Variants in PPARGC1A observed in about 807,000 individuals in gnomAD.
PPARGC1A encodes peroxisome proliferator-activated receptor gamma coactivator 1-alpha.
In PPARGC1A, 25 loss-of-function variants were observed where a neutral mutation model predicts 88.7. The observed-to-expected ratio is 0.28, with a 90% CI of 0.21 to 0.39. The LOEUF (loss-of-function observed/expected upper bound fraction) is 0.39, where lower values mean the gene tolerates loss of function less well. Among genes scored for constraint, PPARGC1A ranks in the 10% least tolerant of loss-of-function variants. PPARGC1A has a pLI of 1.00. For missense variants in PPARGC1A, 880 were observed against 968.7 expected (o/e 0.91, Z 1.22); for synonymous variants, 363 against 355.6 (o/e 1.02, Z -0.24).
chr4:24,256,221 TG>T, the PPARGC1A span, among the ~76,000 whole-genome samples: 178 of 152,248 alleles, frequency 1.2e-3, no homozygotes, highest in African/African-American at 4.2e-3. Context: ...CTACTTATTT[TG>T]TGGGGAAGGG....
At chr4:24,303,660 T>G in the PPARGC1A span, among the ~76,000 whole-genome samples, 411 of 148,522 alleles carry the variant, frequency 2.8e-3, 2 homozygotes, top group African/African-American at 1.0e-2. Context: ...CAGGTAACCA[T>G]TTTTGATTCC....
At chr4:24,437,926 C>G in the PPARGC1A span, among the ~76,000 whole-genome samples, 1 of 152,122 alleles carries the variant, frequency 6.6e-6, no homozygotes, top group East Asian at 1.9e-4. Context: ...ATCCACCCTC[C>G]TCAGCCTCCC....
chr4:23,994,571 T>C, the PPARGC1A span, among the ~76,000 whole-genome samples: 4 of 152,114 alleles, frequency 2.6e-5, no homozygotes, highest in Admixed American at 6.6e-5. Flanking sequence ...CGTGACACTT[T>C]CAGGTTTCCA....
the PPARGC1A span, among the ~76,000 whole-genome samples, chr4:24,471,705 G>T: frequency 2.0e-5 from 3 of 152,266 alleles, no homozygotes; most frequent in East Asian, 3.9e-4. The surrounding 1 kb of genome is among the most constrained non-coding windows in gnomAD (Gnocchi z 5.4). Flanking sequence ...GGCGTGGAGC[G>T]TCTAGGGCAC....
At chr4:24,123,103 T>C in the PPARGC1A span, among the ~76,000 whole-genome samples, 16 of 152,244 alleles carry the variant, frequency 1.1e-4, no homozygotes, top group Non-Finnish European at 2.1e-4. Context: ...ACTTGTCAAG[T>C]ATTCTCCCAA....
At chr4:23,968,369 T>C in the PPARGC1A span, among the ~76,000 whole-genome samples, 557 of 152,282 alleles carry the variant, frequency 3.7e-3, 4 homozygotes, top group South Asian at 0.034. Flanking sequence ...TCTGGTATCC[T>C]TTCTGCTGAT....
chr4:24,412,525 T>G, the PPARGC1A span, among the ~76,000 whole-genome samples: 3 of 152,192 alleles, frequency 2.0e-5, no homozygotes, highest in South Asian at 4.1e-4. Flanking sequence ...TTGTTGCCCA[T>G]GCTGGAGTGC....
chr4:23,998,370 C>A, the PPARGC1A span, among the ~76,000 whole-genome samples: 1 of 151,638 alleles, frequency 6.6e-6, no homozygotes, highest in Non-Finnish European at 1.5e-5. Flanking sequence ...CTCTTTATAT[C>A]AATAAGGGAA....
chr4:24,025,784 C>T, the PPARGC1A span, among the ~76,000 whole-genome samples: 1,649 of 152,094 alleles, frequency 0.011, 79 homozygotes, highest in Admixed American at 0.085. Flanking sequence ...GAGTTGCTCT[C>T]GACTGACCTA....
chr4:24,099,262 TC>T, the PPARGC1A span, among the ~76,000 whole-genome samples: 5 of 144,116 alleles, frequency 3.5e-5, no homozygotes, highest in Admixed American at 2.1e-4. Context: ...GCTGGAAACT[TC>T]TTCCCCTCAT....
the PPARGC1A span, among the ~76,000 whole-genome samples, chr4:23,999,736 G>A: frequency 4.6e-5 from 7 of 152,246 alleles, no homozygotes; most frequent in East Asian, 3.9e-4. Context: ...GCTATCTGAC[G>A]ATCTTTTCCT....
chr4:23,938,704 A>G, the PPARGC1A span, among the ~76,000 whole-genome samples: 1 of 152,248 alleles, frequency 6.6e-6, no homozygotes, highest in African/African-American at 2.4e-5. Flanking sequence ...GGCAGGGATC[A>G]CATAGAGAAA....
At chr4:23,973,933 G>C in the PPARGC1A span, among the ~76,000 whole-genome samples, 2 of 151,168 alleles carry the variant, frequency 1.3e-5, no homozygotes, top group Non-Finnish European at 2.9e-5. Flanking sequence ...ACTAGCTCTT[G>C]AGGCAAAAAA....
chr4:23,935,933 G>A, the PPARGC1A span, among the ~76,000 whole-genome samples: 2 of 151,756 alleles, frequency 1.3e-5, no homozygotes. Context: ...TATATAAACA[G>A]CCTATACATG....
At chr4:24,050,149 G>C in the PPARGC1A span, among the ~76,000 whole-genome samples, 3 of 150,636 alleles carry the variant, frequency 2.0e-5, no homozygotes, top group Admixed American at 2.0e-4. Flanking sequence ...TATACGGCTA[G>C]AGTTTAGTGG....
chr4:23,964,320 T>C, the PPARGC1A span, among the ~76,000 whole-genome samples: 5 of 152,196 alleles, frequency 3.3e-5, no homozygotes, highest in Admixed American at 2.6e-4. Context: ...CCTTTCATCA[T>C]AGCAACTAGT....
chr4:24,257,008 CAGTA>C, the PPARGC1A span, among the ~76,000 whole-genome samples: 1 of 152,148 alleles, frequency 6.6e-6, no homozygotes, highest in South Asian at 2.1e-4. Context: ...TAGGGAGATG[CAGTA>C]AGTGTTACTA....
At chr4:24,013,205 CATTA>C in the PPARGC1A span, among the ~76,000 whole-genome samples, 18 of 152,078 alleles carry the variant, frequency 1.2e-4, no homozygotes, top group Admixed American at 1.2e-3. Context: ...ATTAGCAGAG[CATTA>C]ATTAATTAAT....
At chr4:24,068,258 G>T in the PPARGC1A span, among the ~76,000 whole-genome samples, 1 of 152,186 alleles carries the variant, frequency 6.6e-6, no homozygotes, top group East Asian at 1.9e-4. Context: ...TTTTAAGAGA[G>T]GAGAGGAAAG....
Sources: gnomAD v4.1 joint callset for allele counts (sites outside exome capture counted in the v4.1 genomes callset) on GRCh38, gnomAD v4.1.1 for gene constraint, Gnocchi (gnomAD v3.1) non-coding constraint, MANE v1.5 for transcripts, NCBI Gene and HGNC (gene_info 2026-07-23, HGNC 2026-07-21) for gene names.